Variants in SLX4IP observed in about 807,000 individuals in gnomAD.
SLX4IP encodes the protein SLX4 interacting protein, also known as protein SLX4IP.
In SLX4IP, 34 loss-of-function variants were observed where a neutral mutation model predicts 32.9. That is an observed-to-expected ratio of 1.03 (90% CI 0.79 to 1.38). The LOEUF (loss-of-function observed/expected upper bound fraction) is 1.38, where lower values mean the gene tolerates loss of function less well. Among genes scored for constraint, SLX4IP ranks in the 40% most tolerant of loss-of-function variants. SLX4IP has a pLI of 0.00. For missense variants in SLX4IP, 444 were observed against 479.0 expected (o/e 0.93, Z 0.68); for synonymous variants, 172 against 171.7 (o/e 1.00, Z -0.01).
intron 1 of SLX4IP, among the ~76,000 whole-genome samples, chr20:10,452,162 C>T (rs745479487): frequency 6.6e-6 from 1 of 152,142 alleles, no homozygotes; most frequent in Non-Finnish European, 1.5e-5. Context: ...ATGGTGTCCT[C>T]CTCAACCCCT....
At chr20:10,525,325 T>G (rs561974721) in intron 2 of SLX4IP, among the ~76,000 whole-genome samples, 1 of 152,314 alleles carries the variant, frequency 6.6e-6, no homozygotes, top group South Asian at 2.1e-4. Context: ...GTAATTTGAT[T>G]TGCCAATTTT....
chr20:10,480,919 A>G (rs928218531), intron 2 of SLX4IP, among the ~76,000 whole-genome samples: 1 of 152,172 alleles, frequency 6.6e-6, no homozygotes. Flanking sequence ...CACCACTATT[A>G]TCTGATATTG....
intron 2 of SLX4IP, among the ~76,000 whole-genome samples, chr20:10,476,307 C>G (rs1163451792): frequency 6.6e-6 from 1 of 152,144 alleles, no homozygotes. Flanking sequence ...TAGCATGAAT[C>G]TGGTCTTAAA....
intron 1 of SLX4IP, among the ~76,000 whole-genome samples, chr20:10,452,676 A>ATATATATATATAT (rs764822188): frequency 2.0e-5 from 2 of 97,968 alleles, no homozygotes; most frequent in South Asian, 3.4e-4. Context: ...AAAAAAAAAA[A>ATATATATATATAT]AAAAATATAT....
At chr20:10,466,049 T>C (rs1487089623) in intron 2 of SLX4IP, among the ~76,000 whole-genome samples, 2 of 152,158 alleles carry the variant, frequency 1.3e-5, no homozygotes, top group Non-Finnish European at 2.9e-5. Context: ...TTGCAAGAAA[T>C]AGACATGGAC....
intron 4 of SLX4IP, among the ~76,000 whole-genome samples, chr20:10,581,780 AG>A (rs2066588947): frequency 6.6e-6 from 1 of 151,972 alleles, no homozygotes; most frequent in Non-Finnish European, 1.5e-5. Flanking sequence ...TAATTAGCTG[AG>A]TGTGGTGGTG....
chr20:10,582,492 T>G (rs902377615), intron 4 of SLX4IP, among the ~76,000 whole-genome samples: 1 of 152,210 alleles, frequency 6.6e-6, no homozygotes, highest in African/African-American at 2.4e-5. Context: ...AAGGTGATAT[T>G]TTTATTGAAT....
intron 4 of SLX4IP, among the ~76,000 whole-genome samples, chr20:10,561,935 G>T (rs1020594655): frequency 6.6e-6 from 1 of 152,146 alleles, no homozygotes; most frequent in Non-Finnish European, 1.5e-5. Flanking sequence ...AACAGGAAAA[G>T]ATACCTTATC....
intron 2 of SLX4IP, among the ~76,000 whole-genome samples, chr20:10,511,624 A>G (rs2065808501): frequency 6.6e-6 from 1 of 152,232 alleles, no homozygotes; most frequent in Non-Finnish European, 1.5e-5. Flanking sequence ...ATCTTCTTTG[A>G]TGCTCACCAC....
Position 10,598,626 on chromosome 20 carries a change from T to C in SLX4IP, c.239-49T>C, listed in dbSNP as rs1433988545. ...CAGGCACTGGGCTGAACTCCAGAGA[T>C]TTAGCGGCAAACAAACTTAACTTAG... On this transcript the variant is annotated intron_variant, in intron 4 of 7. Transcript: ENST00000334534. The C allele has an allele frequency of 2.6e-6, 4 of 1,549,276 alleles. No homozygotes were observed. The Admixed American group carries it at 6.7e-5, about 26-fold the overall frequency.
chr20:10,520,543 C>A (rs376437258), intron 2 of SLX4IP, among the ~76,000 whole-genome samples: 4 of 150,156 alleles, frequency 2.7e-5, no homozygotes, highest in African/African-American at 9.8e-5. Flanking sequence ...TAGTTTTTTT[C>A]TTTTTGTCAC....
intron 4 of SLX4IP, among the ~76,000 whole-genome samples, chr20:10,590,560 T>C (rs1470460644): frequency 2.0e-5 from 3 of 151,982 alleles, no homozygotes; most frequent in Non-Finnish European, 4.4e-5. Context: ...GGGGTTTCGC[T>C]GTGTTGCTCA....
At chr20:10,445,710 C>T (rs1474180763) in intron 1 of SLX4IP, among the ~76,000 whole-genome samples, 1 of 151,418 alleles carries the variant, frequency 6.6e-6, no homozygotes, top group African/African-American at 2.4e-5. Flanking sequence ...CTGCAACCTC[C>T]GCCTCCTGAG....
Position 10,533,895 on chromosome 20 carries a change from T to C in SLX4IP, c.28-22336T>C, listed in dbSNP as rs541835750. Among the ~76,000 whole-genome samples, 164 of 152,060 alleles carry C rather than the reference T, an allele frequency of 1.1e-3. No homozygotes were observed. The Middle Eastern group carries it at 0.027, about 25-fold the overall frequency. ...TCAGCCTCCCAAAGTGCTAGGATTATAGGTATGAGCCACTGCACCTAGCCA... is the reference window on the plus strand; with the variant it reads ...TCAGCCTCCCAAAGTGCTAGGATTACAGGTATGAGCCACTGCACCTAGCCA... On this transcript the variant is annotated intron_variant, in intron 2 of 7. Coordinates refer to ENST00000334534, the MANE Select transcript of SLX4IP (RefSeq NM_001009608.3).
intron 2 of SLX4IP, among the ~76,000 whole-genome samples, chr20:10,476,517 A>G (rs1315566738): frequency 2.0e-5 from 3 of 152,162 alleles, no homozygotes; most frequent in Non-Finnish European, 2.9e-5. Context: ...AAATGATTAC[A>G]TTTTTAAAGG....
chr20:10,479,741 C>A (rs2065506203), intron 2 of SLX4IP, among the ~76,000 whole-genome samples: 1 of 151,762 alleles, frequency 6.6e-6, no homozygotes, highest in Non-Finnish European at 1.5e-5. Flanking sequence ...TGTGGTGGCT[C>A]ACGCCTGTAA....
intron 6 of SLX4IP, among the ~76,000 whole-genome samples, chr20:10,605,620 G>A (rs1333242622): frequency 1.3e-5 from 2 of 152,150 alleles, no homozygotes; most frequent in African/African-American, 2.4e-5. Context: ...AAAATGATTT[G>A]TAGTGCTAGT....
At chr20:10,474,752 T>G (rs981011406) in intron 2 of SLX4IP, among the ~76,000 whole-genome samples, 7 of 152,242 alleles carry the variant, frequency 4.6e-5, no homozygotes, top group African/African-American at 1.7e-4. Context: ...GAAAAGCAGT[T>G]TATTCCATCT....
chr20:10,548,348 C>T (rs542055131), intron 2 of SLX4IP, among the ~76,000 whole-genome samples: 4 of 152,268 alleles, frequency 2.6e-5, no homozygotes, highest in African/African-American at 9.6e-5. Flanking sequence ...ATGCCATTCT[C>T]CTGCCTCAGC....
Sources: allele counts gnomAD v4.1 joint callset (sites outside exome capture counted in the v4.1 genomes callset), GRCh38; gene constraint gnomAD v4.1.1; transcripts MANE v1.5; gene names NCBI Gene and HGNC (gene_info 2026-07-23, HGNC 2026-07-21).